Variants in FAT3 observed in about 807,000 individuals in gnomAD.
FAT3 encodes FAT atypical cadherin 3.
A neutral mutation model predicts 310.2 loss-of-function variants in FAT3; 95 were observed. The observed-to-expected ratio is 0.31, with a 90% CI of 0.26 to 0.36. The LOEUF is 0.36. Among genes scored for constraint, FAT3 ranks in the 10% least tolerant of loss-of-function variants. The pLI is 1.00. For missense variants in FAT3, 5,408 were observed against 5,715.6 expected, an observed-to-expected ratio of 0.95 and a Z score of 1.74; for synonymous variants, 2,314 against 2,192.9, an observed-to-expected ratio of 1.06 and a Z score of -1.54.
intron 13 of FAT3, among the ~76,000 whole-genome samples, chr11:92,815,191 G>C (rs1168320596): frequency 2.0e-5 from 3 of 152,142 alleles, no homozygotes; most frequent in African/African-American, 7.2e-5. Flanking sequence ...ATTGGAACAA[G>C]GAAAACCAGG....
intron 3 of FAT3, among the ~76,000 whole-genome samples, chr11:92,607,708 G>A (rs1940370360): frequency 6.6e-6 from 1 of 152,122 alleles, no homozygotes; most frequent in South Asian, 2.1e-4. Context: ...CATATTTTAT[G>A]TGCTATATGA....
rs745856608 is a variant in FAT3, at chr11:92,844,629, G to A, written c.11262G>A (p.Glu3754=). The A allele has an allele frequency of 4.3e-6, 7 of 1,612,684 alleles. No homozygotes were observed. The highest frequency in any genetic ancestry group is 5.9e-6 in the Non-Finnish European group (7 of 1,179,360). The change falls in exon 19 of 28, where the codon GAG becomes GAA. Residue 3754 remains glutamate, a synonymous_variant. Transcript: ENST00000525166. ...TGGACTGTCAGGAACAGCATTGTGA[G>A]CAAGGCTTGTCACTCGATTCCCACG... ...SGLDCQEQHC[E]QGLSLDSHAL...
chr11:92,554,493 A>G (rs942370785), intron 3 of FAT3, among the ~76,000 whole-genome samples: 1 of 131,398 alleles, frequency 7.6e-6, no homozygotes, highest in Admixed American at 8.1e-5. Flanking sequence ...AAAAAAAAAA[A>G]AAAAAGAATG....
At chr11:92,767,115 G>A (rs1946333042) in intron 6 of FAT3, among the ~76,000 whole-genome samples, 1 of 152,076 alleles carries the variant, frequency 6.6e-6, no homozygotes, top group South Asian at 2.1e-4. Flanking sequence ...TGGGCATGAT[G>A]GCGGGCGCCT....
At position 92,882,975 on chromosome 11, in the gene FAT3, AGTCTTCCGCAAGAAG is replaced by A. The variant is rs772687972; in HGVS notation, c.12534_12548del (p.Lys4178_Lys4182del). The A allele has an allele frequency of 4.3e-6, 7 of 1,613,798 alleles. 1 individual carries two copies. Among genetic ancestry groups the A allele is most frequent in the Middle Eastern group, 1.6e-4 (1 of 6,084 alleles). ...TCTTCATCCTGGTGGTTCTCTTCAT[AGTCTTCCGCAAGAAG>A]GTCTTCCGCAAGAACTACTCCCGCA... On this transcript the variant is annotated inframe_deletion, in exon 24 of 28. Transcript: ENST00000525166.
At chr11:92,593,603 C>G (rs532230852) in intron 3 of FAT3, among the ~76,000 whole-genome samples, 10 of 152,176 alleles carry the variant, frequency 6.6e-5, no homozygotes, top group Admixed American at 2.6e-4. Flanking sequence ...ATGGCATCAA[C>G]TAATAATCAA....
chr11:92,861,329 T>C (rs1318192350), intron 21 of FAT3, among the ~76,000 whole-genome samples: 1 of 152,202 alleles, frequency 6.6e-6, no homozygotes, highest in Non-Finnish European at 1.5e-5. Context: ...AACAAAAATA[T>C]TGAACCTGAA....
At chr11:92,728,660 A>T (rs912504487) in intron 4 of FAT3, among the ~76,000 whole-genome samples, 1 of 152,286 alleles carries the variant, frequency 6.6e-6, no homozygotes, top group Non-Finnish European at 1.5e-5. Context: ...TTTCAGGAAG[A>T]TCAATGTCAA....
intron 6 of FAT3, among the ~76,000 whole-genome samples, chr11:92,765,796 G>GC (rs1315300225): frequency 5.4e-5 from 8 of 149,320 alleles, no homozygotes; most frequent in African/African-American, 7.4e-5. Flanking sequence ...TTGAGGGGGG[G>GC]GTTGTTTTGA....
chr11:92,257,577 T>C (rs1865367172), intron 1 of FAT3, among the ~76,000 whole-genome samples: 2 of 152,120 alleles, frequency 1.3e-5, no homozygotes, highest in African/African-American at 2.4e-5. Flanking sequence ...TCCAGTTCTC[T>C]TCAAGACTGT....
At chr11:92,865,884 A>G (rs556585303) in intron 21 of FAT3, among the ~76,000 whole-genome samples, 1 of 152,174 alleles carries the variant, frequency 6.6e-6, no homozygotes, top group African/African-American at 2.4e-5. Context: ...TGCCCTTGCT[A>G]CACCAATGCA....
intron 2 of FAT3, among the ~76,000 whole-genome samples, chr11:92,522,351 G>C (rs137926399): frequency 6.6e-6 from 1 of 152,284 alleles, no homozygotes; most frequent in Non-Finnish European, 1.5e-5. Flanking sequence ...GCTCACACCT[G>C]TTCAGGTATC....
At chr11:92,559,872 C>T (rs1050240452) in intron 3 of FAT3, among the ~76,000 whole-genome samples, 6 of 152,016 alleles carry the variant, frequency 3.9e-5, no homozygotes, top group African/African-American at 9.7e-5. Flanking sequence ...AGCTGATGGA[C>T]GTTTGGATTG....
rs373514725 is a variant in FAT3 at position 92,352,835 on chromosome 11, T to C, written c.723T>C (p.Tyr241=). The C allele has an allele frequency of 4.2e-5, 68 of 1,613,814 alleles. No individual in the cohort carries two copies. The highest frequency in any genetic ancestry group is 3.3e-4 in the Middle Eastern group (2 of 6,084). Residue 241 remains tyrosine (Y), a synonymous_variant, in exon 2 of 28, where the codon TAT becomes TAC. Coordinates refer to ENST00000525166, the MANE Select transcript of FAT3 (RefSeq NM_001367949.2). The stretch of plus-strand genomic sequence containing the variant: ...CTGTGGACCGGGGAATGAAACTGTA[T>C]GGGAACAATGGAGTGAGCAGTACTG... ...ILAVDRGMKL[Y]GNNGVSSTAK...
intron 2 of FAT3, among the ~76,000 whole-genome samples, chr11:92,454,241 G>A (rs1468245616): frequency 6.6e-6 from 1 of 151,966 alleles, no homozygotes; most frequent in Non-Finnish European, 1.5e-5. Context: ...TACCATTTGG[G>A]ATGATGCAGG....
intron 2 of FAT3, among the ~76,000 whole-genome samples, chr11:92,380,300 G>A (rs938339111): frequency 2.6e-5 from 4 of 152,038 alleles, no homozygotes; most frequent in Non-Finnish European, 5.9e-5. Context: ...TTTGGACCTC[G>A]TATGTGAAAT....
intron 3 of FAT3, among the ~76,000 whole-genome samples, chr11:92,564,875 A>G (rs1254161388): frequency 4.8e-4 from 69 of 142,824 alleles, no homozygotes; most frequent in African/African-American, 1.7e-3. Context: ...TCTCTGGGAC[A>G]CATTCAAAGC....
At chr11:92,491,531 G>C (rs1369692741) in intron 2 of FAT3, among the ~76,000 whole-genome samples, 1 of 151,968 alleles carries the variant, frequency 6.6e-6, no homozygotes, top group Non-Finnish European at 1.5e-5. Flanking sequence ...GGAAGGAAAG[G>C]CATTCCAGAC....
rs971075395 is a variant in FAT3 at position 92,354,445 on chromosome 11, T to A, written c.2333T>A (p.Met778Lys). Residue 778 changes from methionine (M) to lysine (K), a missense_variant, in exon 2 of 28, where the codon ATG becomes AAG. This residue lies in a region of FAT3 where 4,588 missense variants were observed against 4,809.8 expected (regional missense o/e 0.95). Transcript: ENST00000525166. ...ACGGATAGTTGCTTTAATATTGATA[T>A]GGAGACTGGGCAGCTTAAAGTCCTT... Reference protein sequence around the residue: ...GNTDSCFNIDMETGQLKVLMP... With the variant: ...GNTDSCFNIDKETGQLKVLMP... 1 of 1,613,766 alleles carries A rather than the reference T, an allele frequency of 6.2e-7. No individual in the cohort carries two copies. Among genetic ancestry groups the A allele is most frequent in the Non-Finnish European group, 8.5e-7 (1 of 1,179,868 alleles).
Sources: gnomAD v4.1 joint callset for allele counts (sites outside exome capture counted in the v4.1 genomes callset) on GRCh38, gnomAD v4.1.1 for gene constraint, gnomAD v4.1.1 regional missense constraint, MANE v1.5 for transcripts, NCBI Gene and HGNC (gene_info 2026-07-23, HGNC 2026-07-21) for gene names.